TUSC3: variants seen among roughly 807,000 people sequenced by gnomAD.
TUSC3 encodes dolichyl-diphosphooligosaccharide--protein glycosyltransferase subunit TUSC3.
In TUSC3, 45 loss-of-function variants were observed where a neutral mutation model predicts 44.8. The observed-to-expected ratio is 1.00, with a 90% CI of 0.79 to 1.29. TUSC3 has a LOEUF of 1.29. TUSC3 is among the 50% of genes most tolerant of loss of function. The pLI is 0.00. For synonymous variants in TUSC3, 212 were observed against 152.9 expected, an observed-to-expected ratio of 1.39 and a Z score of -2.85; for missense variants, 519 against 437.9, an observed-to-expected ratio of 1.19 and a Z score of -1.65.
chr8:15,447,678 T>A (rs1049524109), intron 1 of TUSC3, among the ~76,000 whole-genome samples: 5 of 151,750 alleles, frequency 3.3e-5, no homozygotes, highest in Non-Finnish European at 7.4e-5. Flanking sequence ...TTGAAAAGCA[T>A]GAACATAATT....
chr8:15,662,185 T>A lies in TUSC3; in HGVS notation c.597T>A (p.Ser199=). ...GGGTTTTCAGACCACCCAACTACTC[T>A]GGTACCATTGCTTTGGCCCTGTTAG... ...HIRVFRPPNY[S]GTIALALLVS... The change falls in exon 5 of 11, where the codon TCT becomes TCA. Residue 199 remains serine, a synonymous_variant. Coordinates refer to ENST00000503731, the MANE Select transcript of TUSC3 (RefSeq NM_006765.4). The A allele has an allele frequency of 6.2e-7, 1 of 1,613,156 alleles. No individual in the cohort carries two copies. Among genetic ancestry groups the A allele is most frequent in the Non-Finnish European group, 8.5e-7 (1 of 1,179,308 alleles).
intron 2 of TUSC3, among the ~76,000 whole-genome samples, chr8:15,631,727 A>G (rs559985425): frequency 3.0e-4 from 46 of 151,418 alleles, no homozygotes; most frequent in African/African-American, 9.7e-4. Context: ...TGTTTTTAAG[A>G]CACAGTCTTG....
chr8:15,775,799 A>G, the TUSC3 span, among the ~76,000 whole-genome samples: 1 of 148,808 alleles, frequency 6.7e-6, no homozygotes, highest in African/African-American at 2.5e-5. Flanking sequence ...AAAAGGCACC[A>G]TTTAATTCTT....
At chr8:15,578,586 T>G (rs36195439) in intron 1 of TUSC3, among the ~76,000 whole-genome samples, 19,638 of 118,960 alleles carry the variant, frequency 0.17, 372 homozygotes, top group Middle Eastern at 0.21. Flanking sequence ...GTGGTTTTTG[T>G]CTTTGGCTCT....
intron 6 of TUSC3, among the ~76,000 whole-genome samples, chr8:15,718,783 A>G (rs976761262): frequency 2.6e-5 from 4 of 152,220 alleles, no homozygotes; most frequent in South Asian, 2.1e-4. Context: ...TTGTATTACT[A>G]CAAATACTCA....
chr8:15,727,464 T>C (rs1335586049), intron 6 of TUSC3, among the ~76,000 whole-genome samples: 1 of 152,152 alleles, frequency 6.6e-6, no homozygotes, highest in Middle Eastern at 3.2e-3. Flanking sequence ...GGATTTCTGT[T>C]GCCTGAATTG....
chr8:15,502,083 T>G (rs1800974326), intron 2 of TUSC3, among the ~76,000 whole-genome samples: 1 of 152,214 alleles, frequency 6.6e-6, no homozygotes, highest in East Asian at 1.9e-4. Flanking sequence ...CATCTATCTA[T>G]TCAATATACT....
chr8:15,704,753 A>G (rs989678112), intron 6 of TUSC3, among the ~76,000 whole-genome samples: 7 of 151,974 alleles, frequency 4.6e-5, no homozygotes, highest in Non-Finnish European at 8.8e-5. Flanking sequence ...TGGGATGTAA[A>G]AAGAATGAGC....
At chr8:15,561,871 GGT>G in intron 1 of TUSC3, among the ~76,000 whole-genome samples, 1 of 152,174 alleles carries the variant, frequency 6.6e-6, no homozygotes, top group South Asian at 2.1e-4. Context: ...GCTGGCGCAC[GGT>G]GTGCGCACCC....
At chr8:15,735,943 T>C (rs1810919604) in intron 7 of TUSC3, among the ~76,000 whole-genome samples, 1 of 151,622 alleles carries the variant, frequency 6.6e-6, no homozygotes, top group East Asian at 1.9e-4. Flanking sequence ...TTAGCCAGGA[T>C]GGTCTCGATC....
At chr8:15,687,438 C>G (rs1367950301) in intron 6 of TUSC3, among the ~76,000 whole-genome samples, 2 of 152,198 alleles carry the variant, frequency 1.3e-5, no homozygotes, top group African/African-American at 4.8e-5. Context: ...CTTTCAAACT[C>G]TGCCTTAATC....
chr8:15,841,130 T>C, the TUSC3 span, among the ~76,000 whole-genome samples: 71,218 of 151,798 alleles, frequency 0.47, 18,633 homozygotes, highest in Non-Finnish European at 0.6. Flanking sequence ...CCAAATTTAT[T>C]GTTCATATGT....
intron 1 of TUSC3, among the ~76,000 whole-genome samples, chr8:15,436,058 A>G (rs548873568): frequency 3.6e-4 from 55 of 152,248 alleles, no homozygotes; most frequent in African/African-American, 1.3e-3. Context: ...CCCTTTTTCA[A>G]GATCGCTCAT....
chr8:15,638,055 T>C (rs993343033), intron 2 of TUSC3, among the ~76,000 whole-genome samples: 1 of 152,128 alleles, frequency 6.6e-6, no homozygotes, highest in African/African-American at 2.4e-5. Flanking sequence ...CAAGCCCCTT[T>C]CTTTATGTTC....
chr8:15,447,364 A>T (rs2129119639), intron 1 of TUSC3, among the ~76,000 whole-genome samples: 1 of 152,286 alleles, frequency 6.6e-6, no homozygotes, highest in Non-Finnish European at 1.5e-5. Flanking sequence ...GACAAAAATT[A>T]AAAATAAATG....
intron 1 of TUSC3, among the ~76,000 whole-genome samples, chr8:15,431,713 G>T (rs903592247): frequency 1.3e-5 from 2 of 151,294 alleles, no homozygotes; most frequent in East Asian, 2.0e-4. Flanking sequence ...GAATAGAACT[G>T]GTAAGACTGG....
chr8:15,665,989 TTAC>T lies in TUSC3; in HGVS notation c.708+3695_708+3697del, dbSNP rs376598184. ...GGATGGTGGACAATAAGCATATACA[TTAC>T]TTGCTTTATGATGAATTTAAAGTAG... On this transcript the variant is annotated intron_variant, in intron 5 of 10. Transcript: ENST00000503731. Among the ~76,000 whole-genome samples, 31 of 151,558 alleles carry T rather than the reference TTAC, an allele frequency of 2.0e-4. No homozygotes were observed. In the East Asian group the frequency reaches 5.4e-3, roughly 27 times the overall value.
chr8:15,711,540 A>G (rs1161853071), intron 6 of TUSC3, among the ~76,000 whole-genome samples: 4 of 149,746 alleles, frequency 2.7e-5, no homozygotes, highest in Admixed American at 1.3e-4. Context: ...ATGTATATAT[A>G]TTTGTTTAAA....
intron 1 of TUSC3, among the ~76,000 whole-genome samples, chr8:15,587,441 G>C (rs1199415775): frequency 6.6e-6 from 1 of 151,988 alleles, no homozygotes. Context: ...TCTTTTAGTT[G>C]ACATGTAATA....
Sources: allele counts gnomAD v4.1 joint callset (sites outside exome capture counted in the v4.1 genomes callset), GRCh38; gene constraint gnomAD v4.1.1; transcripts MANE v1.5; gene names NCBI Gene and HGNC (gene_info 2026-07-23, HGNC 2026-07-21).